The following VWF variants were observed in gnomAD, a reference collection of about 807,000 sequenced individuals.
The protein encoded by VWF is Factor VIII related antigen.
A neutral mutation model predicts 308.6 loss-of-function variants in VWF; 176 were observed. That is an observed-to-expected ratio of 0.57 (90% CI 0.50 to 0.65). The LOEUF (loss-of-function observed/expected upper bound fraction) is 0.65, where lower values mean the gene tolerates loss of function less well. VWF is among the 30% of genes least tolerant of loss of function. The pLI, the probability that VWF is intolerant of heterozygous loss-of-function variation, is 0.00. For synonymous variants in VWF, 1,385 were observed against 1,443.4 expected (o/e 0.96, Z 0.92); for missense variants, 3,146 against 3,648.2 (o/e 0.86, Z 3.55).
intron 18 of VWF, among the ~76,000 whole-genome samples, chr12:6,043,227 G>A (rs554752340): frequency 6.6e-6 from 1 of 152,188 alleles, no homozygotes; most frequent in Non-Finnish European, 1.5e-5. Flanking sequence ...AGAAGAAAGA[G>A]TTGAAGGGGA....
At chr12:6,056,636 TC>T (rs1944581678) in intron 15 of VWF, among the ~76,000 whole-genome samples, 1 of 152,126 alleles carries the variant, frequency 6.6e-6, no homozygotes, top group East Asian at 1.9e-4. Context: ...CAACCTGTCT[TC>T]CTGGAACAGG....
chr12:6,103,463 T>TAC lies in VWF; in HGVS notation c.532+6909_532+6910dup, dbSNP rs1342631023. 8.9e-5 allele frequency among the ~76,000 whole-genome samples: 6 copies of TAC among 67,424 alleles called. No homozygotes were observed. In the East Asian group the frequency reaches 2.5e-3, roughly 28 times the overall value. The allele number at this position is 67,424 out of a possible 152,430, so 44.2% of individuals were successfully genotyped here. On this transcript the variant is annotated intron_variant, in intron 5 of 51. Coordinates refer to ENST00000261405, the MANE Select transcript of VWF (RefSeq NM_000552.5). ...ATATACATACACATATATGTGTATA[T>TAC]ACACATATGTGTGTATATACATATA...
At position 6,058,137 on chromosome 12, in the gene VWF, A is replaced by G. The variant is rs1944611115; in HGVS notation, c.1534-93T>C. On this transcript the variant is annotated intron_variant, in intron 13 of 51. Transcript: ENST00000261405. The surrounding 1 kb of genome is among the most constrained non-coding windows in gnomAD (Gnocchi z 4.9). Reference sequence around the variant, plus strand: ...GAGATGGTTTTAATAAAAAAAAAAAAGTTCCCCGGGTGAAACATAAATATG... The same window carrying G: ...GAGATGGTTTTAATAAAAAAAAAAAGGTTCCCCGGGTGAAACATAAATATG... 3 of 1,357,602 alleles carry G rather than the reference A, an allele frequency of 2.2e-6. No individual in the cohort carries two copies. In the East Asian group the frequency reaches 7.2e-5, roughly 33 times the overall value. The allele number at this position is 1,357,602 out of a possible 1,614,324, so 84.1% of individuals were successfully genotyped here. A position where few individuals can be genotyped will look rare whatever the true frequency, so the allele number is the denominator to read the frequency against.
chr12:6,110,681 C>T, intron 4 of VWF, 99 bp from the exon 5 acceptor site: 2 of 1,434,964 alleles, frequency 1.4e-6, no homozygotes, highest in Non-Finnish European at 2.0e-6. Context: ...GGGTTCAGAA[C>T]ATGGTGCAAA....
rs560283610 is a variant in VWF at position 6,080,861 on chromosome 12, TC to T, written c.658-5311del. On this transcript the variant is annotated intron_variant, in intron 6 of 51. Transcript: ENST00000261405. ...CGCGAAGTTCTCATAGACCCCTTTC[TC>T]TCACTCCCCCTAGGTTATGCCCTCC... Among the ~76,000 whole-genome samples, 644 of 152,300 alleles carry T rather than the reference TC, an allele frequency of 4.2e-3. 1 individual carries two copies. The highest frequency in any genetic ancestry group is 7.0e-3 in the Non-Finnish European group (475 of 68,006).
At chr12:6,035,656 T>C (rs886920270) in intron 19 of VWF, among the ~76,000 whole-genome samples, 2 of 152,284 alleles carry the variant, frequency 1.3e-5, no homozygotes, top group Admixed American at 1.3e-4. Flanking sequence ...ACTCACGAAG[T>C]GCTCATGGGC....
rs182807639 is a variant in VWF, at chr12:6,000,790, C to A, written c.5843-4568G>T. Reference sequence around the variant, plus strand: ...TCGCGCCTCTGCACTCCAGCCTGAGCCACAGAGCGAGACTCTGTCTCAAAA... The same window carrying A: ...TCGCGCCTCTGCACTCCAGCCTGAGACACAGAGCGAGACTCTGTCTCAAAA... On this transcript the variant is annotated intron_variant, in intron 34 of 51. Coordinates refer to ENST00000261405, the MANE Select transcript of VWF (RefSeq NM_000552.5). Among the ~76,000 whole-genome samples, 234 of 137,852 alleles carry A rather than the reference C, an allele frequency of 1.7e-3. 2 individuals carry two copies. Among genetic ancestry groups the A allele is most frequent in the African/African-American group, 6.1e-3 (222 of 36,520 alleles). The allele number at this position is 137,852 out of a possible 152,430, so 90.4% of individuals were successfully genotyped here. A position where few individuals can be genotyped will look rare whatever the true frequency, so the allele number is the denominator to read the frequency against.
chr12:6,034,191 C>G (rs577813224), intron 20 of VWF, among the ~76,000 whole-genome samples: 1 of 152,096 alleles, frequency 6.6e-6, no homozygotes, highest in Non-Finnish European at 1.5e-5. Flanking sequence ...AAAGCCATAT[C>G]GTGGGAAGCA....
At chr12:6,047,795 G>A (rs997940804) in intron 16 of VWF, among the ~76,000 whole-genome samples, 3 of 152,234 alleles carry the variant, frequency 2.0e-5, no homozygotes, top group Non-Finnish European at 4.4e-5. Context: ...TGTGACTTCT[G>A]TTGCACAATA....
At chr12:6,090,287 G>A (rs1185974296) in intron 6 of VWF, among the ~76,000 whole-genome samples, 3 of 152,024 alleles carry the variant, frequency 2.0e-5, no homozygotes, top group African/African-American at 4.8e-5. Context: ...ACAATACCTC[G>A]AGTGCACTCA....
intron 3 of VWF, among the ~76,000 whole-genome samples, chr12:6,112,428 G>A (rs1038595736): frequency 6.6e-6 from 1 of 152,194 alleles, no homozygotes; most frequent in African/African-American, 2.4e-5. Flanking sequence ...AAAATAGAGA[G>A]TCTGGTCTCA....
At chr12:6,118,639 G>A (rs1591929015) in intron 3 of VWF, among the ~76,000 whole-genome samples, 1 of 151,720 alleles carries the variant, frequency 6.6e-6, no homozygotes, top group Non-Finnish European at 1.5e-5. Flanking sequence ...CGCCCCCCTC[G>A]GCCTCCCAAA....
At chr12:6,085,751 A>C (rs1944961864) in intron 6 of VWF, among the ~76,000 whole-genome samples, 1 of 151,902 alleles carries the variant, frequency 6.6e-6, no homozygotes, top group Non-Finnish European at 1.5e-5. Context: ...GCAAGGAGAG[A>C]GCGAGCATTA....
Position 6,018,759 on chromosome 12 carries a change from G to A in VWF, c.4659C>T (p.Ser1553=), listed in dbSNP as rs375675510. The A allele has an allele frequency of 4.9e-5, 79 of 1,613,468 alleles. No homozygotes were observed. Among genetic ancestry groups the A allele is most frequent in the African/African-American group, 6.7e-5 (5 of 74,976 alleles). The change falls in exon 28 of 52, where the codon AGC becomes AGT. Residue 1553 remains serine, a synonymous_variant. Transcript: ENST00000261405. ...GGATGTCCCCTTTGGACTGTGCCTC[G>A]CTGAAGGGGTACTCCACAGTCACCA... ...SYMVTVEYPF[S]EAQSKGDILQ...
intron 5 of VWF, among the ~76,000 whole-genome samples, chr12:6,097,787 T>C (rs1412243904): frequency 6.6e-6 from 1 of 152,254 alleles, no homozygotes; most frequent in Non-Finnish European, 1.5e-5. Context: ...AACTTAAATT[T>C]GTGGCATGTT....
intron 34 of VWF, among the ~76,000 whole-genome samples, chr12:6,001,663 C>T (rs1943874870): frequency 6.6e-6 from 1 of 152,048 alleles, no homozygotes; most frequent in Non-Finnish European, 1.5e-5. Flanking sequence ...TTTAGACATC[C>T]CTTTCAGAAC....
At chr12:6,056,672 C>T (rs1299887644) in intron 15 of VWF, among the ~76,000 whole-genome samples, 185 bp downstream of exon 15, 4 of 152,216 alleles carry the variant, frequency 2.6e-5, no homozygotes, top group African/African-American at 4.8e-5. Flanking sequence ...CGGTCCCCAC[C>T]GCCTGTCCTG....
Position 6,057,948 on chromosome 12 carries a change from G to T in VWF, c.1630C>A (p.Pro544Thr), listed in dbSNP as rs1241627827. Residue 544 changes from proline (P) to threonine (T), a missense_variant, in exon 14 of 52, where the codon CCC (proline) becomes ACC (threonine). Physicochemically the swap from Pro to Thr is conservative, Grantham distance 38. This residue lies in a region of VWF where 1,304 missense variants were observed against 1,353.0 expected (regional missense o/e 0.96). Coordinates refer to ENST00000261405, the MANE Select transcript of VWF (RefSeq NM_000552.5). ...GCGTTCCCGAAGTCCTCCACCCGGG[G>T]CTCCGCCAGCCCAGAGGGGGTAAGG... ...DFLTPSGLAE[P>T]RVEDFGNAWK... is the part of the protein sequence containing the mutation. 2.5e-6 allele frequency: 4 copies of T among 1,613,616 alleles called. No homozygotes were observed. The highest frequency in any genetic ancestry group is 2.7e-5 in the African/African-American group (2 of 74,934).
intron 20 of VWF, among the ~76,000 whole-genome samples, chr12:6,033,378 C>T (rs1424067196): frequency 6.6e-6 from 1 of 152,232 alleles, no homozygotes; most frequent in Non-Finnish European, 1.5e-5. Flanking sequence ...GAGGGGGAGT[C>T]TTTAAAACTG....
Sources: allele counts gnomAD v4.1 joint callset (sites outside exome capture counted in the v4.1 genomes callset), GRCh38; gene constraint gnomAD v4.1.1; regional missense constraint gnomAD v4.1.1; non-coding constraint Gnocchi (gnomAD v3.1); transcripts MANE v1.5; gene names NCBI Gene and HGNC (gene_info 2026-07-23, HGNC 2026-07-21).